The following DLC1 variants were observed in gnomAD, a reference collection of about 807,000 sequenced individuals.
DLC1 encodes the protein DLC1 Rho GTPase activating protein.
In DLC1, 54 loss-of-function variants were observed where a neutral mutation model predicts 140.3. The observed-to-expected ratio is 0.38, with a 90% CI of 0.31 to 0.48. The LOEUF (loss-of-function observed/expected upper bound fraction) is 0.48. Among genes scored for constraint, DLC1 ranks in the 20% least tolerant of loss-of-function variants. The probability of loss-of-function intolerance (pLI) is 0.96; values close to 1 mark genes in which losing one functional copy is unlikely to be tolerated. For missense variants in DLC1, 2,536 were observed against 1,907.0 expected (o/e 1.33, Z -6.14); for synonymous variants, 986 against 728.1 (o/e 1.35, Z -5.70).
At chr8:13,575,892 G>A (rs749546397) in intron 1 of DLC1, among the ~76,000 whole-genome samples, 1 of 152,224 alleles carries the variant, frequency 6.6e-6, no homozygotes, top group Non-Finnish European at 1.5e-5. Context: ...ACTGAGACAT[G>A]TGTAACCTTA....
At chr8:13,477,425 T>C (rs971758834) in intron 2 of DLC1, among the ~76,000 whole-genome samples, 22 of 152,166 alleles carry the variant, frequency 1.4e-4, no homozygotes, top group African/African-American at 5.3e-4. Context: ...CGGATGTACA[T>C]TGTATTTCTA....
At chr8:13,474,137 G>C (rs189548657) in intron 2 of DLC1, among the ~76,000 whole-genome samples, 8 of 152,174 alleles carry the variant, frequency 5.3e-5, no homozygotes, top group Admixed American at 4.6e-4. Context: ...TTGTGGGCCA[G>C]GCCCAGGGTC....
At chr8:13,121,927 C>G (rs983417167) in intron 5 of DLC1, among the ~76,000 whole-genome samples, 1 of 152,126 alleles carries the variant, frequency 6.6e-6, no homozygotes, top group East Asian at 1.9e-4. Flanking sequence ...AGGGCCTGGA[C>G]ATTGTATTTC....
intron 4 of DLC1, 137 bp downstream of exon 4, chr8:13,393,416 T>G: frequency 1.0e-6 from 1 of 994,342 alleles, no homozygotes; most frequent in Non-Finnish European, 1.4e-6. Context: ...TGTACTTAAT[T>G]AAATAAATTA....
chr8:13,558,771 T>A (rs1032462893), intron 1 of DLC1: 1 of 152,208 alleles, frequency 6.6e-6, no homozygotes, highest in Non-Finnish European at 1.5e-5. Context: ...ATTCTTTTCA[T>A]CCTAAATTAA....
chr8:13,186,688 C>T (rs1002503483), intron 5 of DLC1, among the ~76,000 whole-genome samples: 4 of 152,184 alleles, frequency 2.6e-5, no homozygotes, highest in South Asian at 2.1e-4. Context: ...AGCTTTGTTC[C>T]GTTGCTGGCA....
At chr8:13,505,543 C>T (rs1481684) in intron 1 of DLC1, among the ~76,000 whole-genome samples, 130,012 of 152,182 alleles carry the variant, frequency 0.85, 57,016 homozygotes, top group Non-Finnish European at 0.97. Flanking sequence ...TAAGGTTAAG[C>T]TGATGCATAA....
At position 13,332,090 on chromosome 8, in the gene DLC1, A is replaced by G. The variant is rs185732008; in HGVS notation, c.1315-26788T>C. Among the ~76,000 whole-genome samples the G allele has an allele frequency of 1.8e-4, 28 of 152,372 alleles. No homozygotes were observed. In the East Asian group the frequency reaches 5.2e-3, roughly 28 times the overall value. Reference sequence around the variant, plus strand: ...TAATGACCTCTAAGTCACATACAGTAAAACCTTGATTGGACATGGAATGTA... The same window carrying G: ...TAATGACCTCTAAGTCACATACAGTGAAACCTTGATTGGACATGGAATGTA... On this transcript the variant is annotated intron_variant, in intron 4 of 17. Coordinates refer to ENST00000276297, the MANE Select transcript of DLC1 (RefSeq NM_182643.3).
At chr8:13,337,776 T>C (rs906360402) in intron 4 of DLC1, among the ~76,000 whole-genome samples, 4 of 152,184 alleles carry the variant, frequency 2.6e-5, no homozygotes, top group Non-Finnish European at 4.4e-5. Flanking sequence ...TTAACAGGGA[T>C]AGATTCTGAG....
chr8:13,567,698 A>G lies in DLC1; in HGVS notation c.-126+36839T>C, dbSNP rs535942960. 8 of 1,552,072 alleles carry G rather than the reference A, an allele frequency of 5.2e-6. No homozygotes were observed. In the African/African-American group the frequency reaches 8.2e-5, roughly 16 times the overall value. On this transcript the variant is annotated intron_variant, in intron 1 of 1. Transcript: ENST00000631382. ...CAAGAGAGAATAGATGAACATCTTC[A>G]TACCAAAGACTTTCTCACCCGTATT...
chr8:13,115,711 A>T (rs901546242), intron 5 of DLC1, 54 bp from the exon 6 acceptor site: 13 of 1,553,846 alleles, frequency 8.4e-6, no homozygotes, highest in Middle Eastern at 1.7e-4. Flanking sequence ...CGCCATGCTT[A>T]TTTTTCCTGA....
In DLC1 at chr8:13,500,570, T is replaced by C. The variant is rs867076073; in HGVS notation, c.-125-374A>G. On this transcript the variant is annotated intron_variant, in intron 1 of 17. Coordinates refer to ENST00000276297, the MANE Select transcript of DLC1 (RefSeq NM_182643.3). ...CTTGCATGTTTTCCTGATTTACTTT[T>C]GTGAACACAAGTTGTTAAATAAATC... is the stretch of plus-strand genomic sequence containing the variant. Among the ~76,000 whole-genome samples, 62 of 152,354 alleles carry C rather than the reference T, an allele frequency of 4.1e-4. 1 individual carries two copies. In the Middle Eastern group the frequency reaches 0.014, roughly 33 times the overall value.
chr8:13,601,885 T>C (rs924960067), intron 1 of DLC1, among the ~76,000 whole-genome samples: 3 of 151,986 alleles, frequency 2.0e-5, no homozygotes, highest in Non-Finnish European at 4.4e-5. Context: ...TCATTTTTGG[T>C]CATTTTTCCA....
chr8:13,462,137 C>T (rs991992507), intron 2 of DLC1, among the ~76,000 whole-genome samples: 1 of 152,124 alleles, frequency 6.6e-6, no homozygotes, highest in Admixed American at 6.5e-5. Flanking sequence ...ACAGAATTAC[C>T]ACTGCAAGGC....
chr8:13,243,317 G>T (rs1297392147), intron 5 of DLC1, among the ~76,000 whole-genome samples: 1 of 137,034 alleles, frequency 7.3e-6, no homozygotes, highest in Non-Finnish European at 1.6e-5. Context: ...AAAAAAAAAA[G>T]TGTGTAGCAT....
At chr8:13,113,641 T>C (rs80104189) in intron 6 of DLC1, among the ~76,000 whole-genome samples, 2 of 152,238 alleles carry the variant, frequency 1.3e-5, no homozygotes, top group Admixed American at 1.3e-4. Context: ...TTACTGCCAA[T>C]GCAGTTGTCT....
chr8:13,576,815 G>C (rs1173153387), intron 1 of DLC1, among the ~76,000 whole-genome samples: 1 of 152,190 alleles, frequency 6.6e-6, no homozygotes, highest in Admixed American at 6.5e-5. Flanking sequence ...CTGTGTGCAA[G>C]GATAGAGTTG....
intron 1 of DLC1, among the ~76,000 whole-genome samples, chr8:13,529,252 C>G (rs949159297): frequency 2.2e-4 from 33 of 152,148 alleles, no homozygotes; most frequent in African/African-American, 7.0e-4. Context: ...TGAGCACCTA[C>G]TATGTGTAAG....
In DLC1 at chr8:13,456,846, T is replaced by C. The variant is rs576526162; in HGVS notation, c.1023+42203A>G. On this transcript the variant is annotated intron_variant, in intron 2 of 17. Coordinates refer to ENST00000276297, the MANE Select transcript of DLC1 (RefSeq NM_182643.3). ...TCTACTACCATTGACTTAGCTGTGATTATAGTACTCTTTCCAGGTGCTGAC... is the reference window on the plus strand; with the variant it reads ...TCTACTACCATTGACTTAGCTGTGACTATAGTACTCTTTCCAGGTGCTGAC... Among the ~76,000 whole-genome samples the C allele has an allele frequency of 7.6e-4, 116 of 152,318 alleles. 1 individual carries two copies. In the South Asian group the frequency reaches 0.023, roughly 31 times the overall value.
Sources: gnomAD v4.1 joint callset for allele counts (sites outside exome capture counted in the v4.1 genomes callset) on GRCh38, gnomAD v4.1.1 for gene constraint, MANE v1.5 for transcripts, NCBI Gene and HGNC (gene_info 2026-07-23, HGNC 2026-07-21) for gene names.